Variants in EFCAB13 observed in about 807,000 individuals in gnomAD.
The protein encoded by EFCAB13 is EF-hand calcium-binding domain-containing protein 13.
A neutral mutation model predicts 110.2 loss-of-function variants in EFCAB13; 91 were observed. The observed-to-expected ratio is 0.83, with a 90% CI of 0.70 to 0.98. The LOEUF is 0.98. EFCAB13 is among the 50% of genes least tolerant of loss of function. EFCAB13 has a pLI of 0.00. For synonymous variants in EFCAB13, 323 were observed against 369.9 expected, an observed-to-expected ratio of 0.87 and a Z score of 1.45; for missense variants, 968 against 1,119.4, an observed-to-expected ratio of 0.86 and a Z score of 1.93.
chr17:47,391,263 G>T (rs554305763), intron 14 of EFCAB13, among the ~76,000 whole-genome samples, 174 bp from the exon 15 acceptor site: 16 of 152,096 alleles, frequency 1.1e-4, no homozygotes, highest in Non-Finnish European at 2.2e-4. Context: ...TTTTGACTTT[G>T]ATTTTGATAC....
chr17:47,411,264 C>T (rs1393289064), intron 21 of EFCAB13, among the ~76,000 whole-genome samples: 2 of 152,164 alleles, frequency 1.3e-5, no homozygotes, highest in Non-Finnish European at 2.9e-5. Flanking sequence ...ATTCTGTAGT[C>T]ATACTACTTA....
At chr17:47,368,865 G>C (rs1011575227) in intron 10 of EFCAB13, among the ~76,000 whole-genome samples, 1 of 152,128 alleles carries the variant, frequency 6.6e-6, no homozygotes, top group African/African-American at 2.4e-5. Context: ...CTCTACTACC[G>C]CAAGGCACAC....
At chr17:47,343,339 A>G (rs1288613437) in intron 6 of EFCAB13, among the ~76,000 whole-genome samples, 2 of 151,686 alleles carry the variant, frequency 1.3e-5, no homozygotes, top group Non-Finnish European at 2.9e-5. Flanking sequence ...TTGAGTTCCA[A>G]ACTCATGTAT....
At chr17:47,343,600 A>G (rs2065397956) in intron 6 of EFCAB13, among the ~76,000 whole-genome samples, 1 of 152,158 alleles carries the variant, frequency 6.6e-6, no homozygotes, top group Non-Finnish European at 1.5e-5. Flanking sequence ...CTCAATGCTC[A>G]GGGTTCCATG....
At chr17:47,420,970 C>T (rs567509105) in intron 23 of EFCAB13, among the ~76,000 whole-genome samples, 1 of 150,410 alleles carries the variant, frequency 6.6e-6, no homozygotes, top group Non-Finnish European at 1.5e-5. Context: ...CAGCCAGCCG[C>T]CCCGTCCGGG....
chr17:47,326,913 ACT>A (rs1033254529), intron 3 of EFCAB13, among the ~76,000 whole-genome samples: 1 of 152,198 alleles, frequency 6.6e-6, no homozygotes, highest in African/African-American at 2.4e-5. Context: ...GATTTTAAGT[ACT>A]CTGTCTTCAT....
At chr17:47,382,875 T>C (rs2065654928) in intron 14 of EFCAB13, among the ~76,000 whole-genome samples, 2 of 152,338 alleles carry the variant, frequency 1.3e-5, no homozygotes, top group Admixed American at 1.3e-4. Flanking sequence ...CCCCTCCTTG[T>C]ACCTCTGGTA....
At chr17:47,351,304 T>TGTGTGTGTGTGC (rs1280645583) in intron 9 of EFCAB13, among the ~76,000 whole-genome samples, 20 of 123,102 alleles carry the variant, frequency 1.6e-4, no homozygotes, top group South Asian at 2.9e-4. Flanking sequence ...TGTGTGTGTG[T>TGTGTGTGTGTGC]GCGCGCGCGC....
Position 47,347,921 on chromosome 17 carries a change from C to A in EFCAB13, c.631C>A (p.Arg211=). The A allele has an allele frequency of 6.5e-7, 1 of 1,529,974 alleles. No homozygotes were observed. Among genetic ancestry groups the A allele is most frequent in the South Asian group, 1.3e-5 (1 of 75,596 alleles). 94.8% of individuals were successfully genotyped at this position (1,529,974 alleles called of 1,614,324 possible). A position where few individuals can be genotyped will look rare whatever the true frequency, so the allele number is the denominator to read the frequency against. ...AATTTCTATAAGTGATTTAGAAATG[C>A]GACAGGCACTAAAGACTGTTGATAT... is the stretch of plus-strand genomic sequence containing the variant. ...LRISISDLEM[R]QALKTVDIDA... The change falls in exon 9 of 25, where the codon CGA becomes AGA. Residue 211 remains arginine (R), a synonymous_variant. Transcript: ENST00000331493.
rs986590954 is a variant in EFCAB13 at position 47,392,053 on chromosome 17, G to A, written c.1726+473G>A. Among the ~76,000 whole-genome samples, 15 of 152,200 alleles carry A rather than the reference G, an allele frequency of 9.9e-5. No individual in the cohort carries two copies. In the East Asian group the frequency reaches 2.9e-3, roughly 29 times the overall value. On this transcript the variant is annotated intron_variant, in intron 15 of 24. Coordinates refer to ENST00000331493, the MANE Select transcript of EFCAB13 (RefSeq NM_152347.5). Reference sequence around the variant, plus strand: ...CTAAAGGAAAGGGTGAGAGTGGCTCGACAGGAGACTGGGGTTATAGGTGAA... The same window carrying A: ...CTAAAGGAAAGGGTGAGAGTGGCTCAACAGGAGACTGGGGTTATAGGTGAA...
At chr17:47,367,232 A>G (rs1384584244) in intron 10 of EFCAB13, among the ~76,000 whole-genome samples, 1 of 152,240 alleles carries the variant, frequency 6.6e-6, no homozygotes, top group Non-Finnish European at 1.5e-5. Context: ...CATTTCTTTG[A>G]TTGGTTCAAA....
intron 14 of EFCAB13, among the ~76,000 whole-genome samples, chr17:47,390,399 G>A (rs542493579): frequency 6.6e-6 from 1 of 151,652 alleles, no homozygotes; most frequent in African/African-American, 2.4e-5. Flanking sequence ...GATTTAAGGT[G>A]CCACCTCTAC....
intron 17 of EFCAB13, among the ~76,000 whole-genome samples, chr17:47,401,669 G>A (rs534596727): frequency 1.8e-3 from 246 of 133,528 alleles, no homozygotes; most frequent in African/African-American, 6.5e-3. Flanking sequence ...TTTTGAGATG[G>A]CGTCTCGCTT....
chr17:47,392,052 C>T (rs1236308426), intron 15 of EFCAB13, among the ~76,000 whole-genome samples: 1 of 151,864 alleles, frequency 6.6e-6, no homozygotes, highest in Non-Finnish European at 1.5e-5. Context: ...GAGAGTGGCT[C>T]GACAGGAGAC....
intron 14 of EFCAB13, among the ~76,000 whole-genome samples, chr17:47,379,762 G>T (rs1319599284): frequency 9.1e-5 from 11 of 120,540 alleles, no homozygotes; most frequent in Admixed American, 6.9e-4. Context: ...TTATACAAAT[G>T]ATTAAATATT....
rs1479863226 is a variant in EFCAB13 at position 47,415,624 on chromosome 17, T to C, written c.2494+705T>C. 3.3e-5 allele frequency among the ~76,000 whole-genome samples: 5 copies of C among 152,194 alleles called. No homozygotes were observed. The East Asian group carries it at 9.6e-4, about 29-fold the overall frequency. ...TTTTCTTCAATGACTTGTGGATCTATGAATTAAATCATGTGTGGAATTGGA... is the reference window on the plus strand; with the variant it reads ...TTTTCTTCAATGACTTGTGGATCTACGAATTAAATCATGTGTGGAATTGGA... On this transcript the variant is annotated intron_variant, in intron 23 of 24. Coordinates refer to ENST00000331493, the MANE Select transcript of EFCAB13 (RefSeq NM_152347.5).
intron 8 of EFCAB13, among the ~76,000 whole-genome samples, chr17:47,345,541 T>A (rs1429734799): frequency 1.1e-4 from 16 of 152,170 alleles, no homozygotes; most frequent in Admixed American, 1.0e-3. Context: ...GTTTTCCTTT[T>A]ACCTTAACTC....
At chr17:47,373,901 TA>T (rs1426865200) in intron 11 of EFCAB13, among the ~76,000 whole-genome samples, 1 of 152,126 alleles carries the variant, frequency 6.6e-6, no homozygotes. Flanking sequence ...TGAAATACTT[TA>T]AAATGTGTTA....
chr17:47,422,074 C>T (rs909957976), intron 23 of EFCAB13, among the ~76,000 whole-genome samples: 2 of 152,010 alleles, frequency 1.3e-5, no homozygotes, highest in Non-Finnish European at 2.9e-5. Flanking sequence ...CAAATGAAAT[C>T]TAGTGATATA....
Sources: allele counts gnomAD v4.1 joint callset (sites outside exome capture counted in the v4.1 genomes callset), GRCh38; gene constraint gnomAD v4.1.1; transcripts MANE v1.5; gene names NCBI Gene and HGNC (gene_info 2026-07-23, HGNC 2026-07-21).